Variants in ADGRG7 observed in about 807,000 individuals in gnomAD.
ADGRG7 encodes adhesion G protein-coupled receptor G7.
In ADGRG7, 82 loss-of-function variants were observed where a neutral mutation model predicts 88.6. That is an observed-to-expected ratio of 0.93 (90% CI 0.77 to 1.11). ADGRG7 has a LOEUF of 1.11. Among genes scored for constraint, ADGRG7 ranks in the 50% most tolerant of loss-of-function variants. The pLI is 0.00. For synonymous variants in ADGRG7, 381 were observed against 345.2 expected (o/e 1.10, Z -1.15); for missense variants, 945 against 953.4 (o/e 0.99, Z 0.12).
chr3:100,667,372 T>C (rs375068946), intron 14 of ADGRG7, among the ~76,000 whole-genome samples: 18 of 152,250 alleles, frequency 1.2e-4, no homozygotes, highest in African/African-American at 3.6e-4. Flanking sequence ...GTTCCCTCCC[T>C]GTGTCCATGT....
chr3:100,683,528 C>A lies in ADGRG7; in HGVS notation c.2137-11216C>A, dbSNP rs144576592. Among the ~76,000 whole-genome samples, 519 of 152,352 alleles carry A rather than the reference C, an allele frequency of 3.4e-3. 5 individuals are homozygous for A. Among genetic ancestry groups the A allele is most frequent in the Non-Finnish European group, 5.0e-3 (341 of 68,030 alleles). ...GCGCTTGTGCCAGTGCCTGGAGCTG[C>A]CTGCCCCACCGCAGCTGGCATGCCT... On this transcript the variant is annotated intron_variant, in intron 15 of 15. Transcript: ENST00000273352.
At chr3:100,660,280 A>G (rs2094943467) in intron 14 of ADGRG7, among the ~76,000 whole-genome samples, 1 of 152,148 alleles carries the variant, frequency 6.6e-6, no homozygotes, top group South Asian at 2.1e-4. Flanking sequence ...ATTACACAAT[A>G]GCACTAAAAT....
rs779783414 is a variant in ADGRG7, at chr3:100,659,733, G to A, written c.1869G>A (p.Pro623=). The A allele has an allele frequency of 5.3e-5, 86 of 1,613,782 alleles. 1 individual carries two copies. The highest frequency in any genetic ancestry group is 3.7e-4 in the Admixed American group (22 of 59,962). ...AACCCAATGGTGTTATAAAAAGTCC[G>A]CTGTTGTGGTCATTCATCGTACCTG... ...IPEPNGVIKS[P]LLWSFIVPVT... is the part of the protein sequence containing the mutation. Residue 623 remains proline (P), a synonymous_variant, in exon 14 of 16, where the codon CCG becomes CCA. Transcript: ENST00000273352.
At chr3:100,665,488 C>G (rs114537285) in intron 14 of ADGRG7, 4 of 513,432 alleles carry the variant, frequency 7.8e-6, no homozygotes, top group African/African-American at 5.8e-5. Flanking sequence ...TCCTTTCCGC[C>G]GTCAGTGGCC....
intron 6 of ADGRG7, among the ~76,000 whole-genome samples, chr3:100,638,708 C>G (rs552040833): frequency 6.6e-6 from 1 of 152,126 alleles, no homozygotes; most frequent in South Asian, 2.1e-4. Context: ...CTGACCAACA[C>G]TACATTGAAA....
intron 10 of ADGRG7, among the ~76,000 whole-genome samples, chr3:100,648,731 A>C (rs1707799554): frequency 6.6e-6 from 1 of 152,160 alleles, no homozygotes; most frequent in Non-Finnish European, 1.5e-5. Context: ...CTTCTTTATT[A>C]TGCCTCTATA....
At chr3:100,631,320 T>C (rs1432201734) in intron 3 of ADGRG7, among the ~76,000 whole-genome samples, 1 of 152,208 alleles carries the variant, frequency 6.6e-6, no homozygotes, top group African/African-American at 2.4e-5. Flanking sequence ...CTTACTTGTA[T>C]AGAGGCATTC....
intron 3 of ADGRG7, among the ~76,000 whole-genome samples, chr3:100,631,574 G>A (rs1365202893): frequency 1.3e-5 from 2 of 152,062 alleles, no homozygotes; most frequent in African/African-American, 4.8e-5. Context: ...TCTTCCTGCA[G>A]GTAATTCGCT....
rs371697724 is a variant in ADGRG7, at chr3:100,643,639, T to C, written c.946+6T>C. ...CTTGCTTAATATGACGAAAAGTAAG[T>C]CTCAAACTTTGTGACATTTAAAAAA... On this transcript the variant is annotated splice_donor_region_variant and intron_variant, in intron 8 of 15. Coordinates refer to ENST00000273352, the MANE Select transcript of ADGRG7 (RefSeq NM_032787.3). 5 of 1,590,582 alleles carry C rather than the reference T, an allele frequency of 3.1e-6. No individual in the cohort carries two copies. Among genetic ancestry groups the C allele is most frequent in the Non-Finnish European group, 3.4e-6 (4 of 1,162,114 alleles).
intron 13 of ADGRG7, among the ~76,000 whole-genome samples, 181 bp downstream of exon 13, chr3:100,656,176 C>T (rs1393391193): frequency 1.3e-5 from 2 of 152,094 alleles, no homozygotes; most frequent in Admixed American, 6.5e-5. Context: ...GGAAATTTCC[C>T]ATAAGTCCTT....
rs142052417 is a variant in ADGRG7 at position 100,670,992 on chromosome 3, A to C, written c.2136+1887A>C. ...TTGGTTCCAAGTCTTTGCTATTGTG[A>C]ATAGTGCTGCAATAAACATACATGT... is the stretch of plus-strand genomic sequence containing the variant. On this transcript the variant is annotated intron_variant, in intron 15 of 15. Coordinates refer to ENST00000273352, the MANE Select transcript of ADGRG7 (RefSeq NM_032787.3). Among the ~76,000 whole-genome samples, 10 of 152,332 alleles carry C rather than the reference A, an allele frequency of 6.6e-5. No homozygotes were observed. In the East Asian group the frequency reaches 1.9e-3, roughly 29 times the overall value.
chr3:100,636,818 G>T (rs558891628), intron 5 of ADGRG7, among the ~76,000 whole-genome samples: 5 of 152,266 alleles, frequency 3.3e-5, no homozygotes, highest in African/African-American at 1.2e-4. Flanking sequence ...GTAATCAAAT[G>T]CCAAAAGATC....
intron 1 of ADGRG7, among the ~76,000 whole-genome samples, chr3:100,625,404 G>A (rs879830269): frequency 9.2e-5 from 14 of 152,282 alleles, no homozygotes; most frequent in African/African-American, 2.9e-4. Context: ...AGACTTAGCT[G>A]AAATTGCTTA....
intron 15 of ADGRG7, among the ~76,000 whole-genome samples, chr3:100,692,050 G>T (rs1214579835): frequency 6.6e-6 from 1 of 152,198 alleles, no homozygotes; most frequent in African/African-American, 2.4e-5. Context: ...CTGGTGTCAT[G>T]TTGGCTGTTT....
intron 14 of ADGRG7, among the ~76,000 whole-genome samples, chr3:100,668,675 T>G (rs1424372297): frequency 1.3e-5 from 2 of 152,214 alleles, no homozygotes; most frequent in Non-Finnish European, 2.9e-5. Context: ...AATGAAGAAG[T>G]TGGTTCTTAA....
Position 100,669,040 on chromosome 3 carries a change from C to T in ADGRG7, c.2071C>T (p.Leu691=). 1 of 1,606,084 alleles carries T rather than the reference C, an allele frequency of 6.2e-7. No individual in the cohort carries two copies. The highest frequency in any genetic ancestry group is 8.5e-7 in the Non-Finnish European group (1 of 1,176,320). Residue 691 remains leucine, a synonymous_variant, in exon 15 of 16, where the codon CTA becomes TTA. Transcript: ENST00000273352. Reference sequence around the variant, plus strand: ...TACCTGGATTCTAGCATACCTGATGCTAGTTAATGATGATAGCATCAGGAT... The same window carrying T: ...TACCTGGATTCTAGCATACCTGATGTTAGTTAATGATGATAGCATCAGGAT... ...GITWILAYLM[L]VNDDSIRIVF...
At position 100,629,608 on chromosome 3, in the gene ADGRG7, T is replaced by A. The variant is rs1377280123; in HGVS notation, c.126T>A (p.Thr42=). The change falls in exon 2 of 16, where the codon ACT becomes ACA. Residue 42 remains threonine (T), a synonymous_variant. Coordinates refer to ENST00000273352, the MANE Select transcript of ADGRG7 (RefSeq NM_032787.3). ...IVIRIQRGKS[T]SSSSTPTEFC... ...TTATTGTTTCTTTAGGAAAATCTAC[T>A]TCCTCATCAAGCACCCCTACAGAGT... 6.2e-7 allele frequency: 1 copy of A among 1,611,326 alleles called. No individual in the cohort carries two copies. The highest frequency in any genetic ancestry group is 1.1e-5 in the South Asian group (1 of 90,912).
intron 15 of ADGRG7, among the ~76,000 whole-genome samples, chr3:100,682,723 T>TC (rs1559691505): frequency 6.6e-6 from 1 of 151,998 alleles, no homozygotes; most frequent in Non-Finnish European, 1.5e-5. Flanking sequence ...GACCTGAAGC[T>TC]CCCACTCCAG....
At chr3:100,647,312 T>G (rs1033231464) in intron 10 of ADGRG7, among the ~76,000 whole-genome samples, 1 of 152,196 alleles carries the variant, frequency 6.6e-6, no homozygotes, top group Non-Finnish European at 1.5e-5. Context: ...GTGGGCTCCA[T>G]TCAACTAACT....
Sources: allele counts gnomAD v4.1 joint callset (sites outside exome capture counted in the v4.1 genomes callset), GRCh38; gene constraint gnomAD v4.1.1; transcripts MANE v1.5; gene names NCBI Gene and HGNC (gene_info 2026-07-23, HGNC 2026-07-21).